Variants in TSEN15 observed in about 807,000 individuals in gnomAD.
The protein encoded by TSEN15 is tRNA-splicing endonuclease subunit Sen15.
A neutral mutation model predicts 20.5 loss-of-function variants in TSEN15; 10 were observed. That is an observed-to-expected ratio of 0.49 (90% CI 0.30 to 0.83). The LOEUF is 0.83. TSEN15 is among the 40% of genes least tolerant of loss of function. The probability of loss-of-function intolerance (pLI) is 0.06; values close to 1 mark genes in which losing one functional copy is unlikely to be tolerated. For missense variants in TSEN15, 180 were observed against 218.6 expected, an observed-to-expected ratio of 0.82 and a Z score of 1.11; for synonymous variants, 72 against 80.1, an observed-to-expected ratio of 0.90 and a Z score of 0.54.
chr1:184,074,425 C>T (rs1271011194), downstream of TSEN15, among the ~76,000 whole-genome samples: 1 of 152,120 alleles, frequency 6.6e-6, no homozygotes, highest in Non-Finnish European at 1.5e-5. Context: ...TCAGCTTTTT[C>T]ACCCACATGG....
chr1:184,087,993 G>C (rs1440216936), intron 3 of TSEN15, among the ~76,000 whole-genome samples: 2 of 152,138 alleles, frequency 1.3e-5, no homozygotes, highest in African/African-American at 4.8e-5. Flanking sequence ...AGCTCCTGGT[G>C]GAACCACCAC....
intron 3 of TSEN15, among the ~76,000 whole-genome samples, chr1:184,058,660 A>G (rs1444604885): frequency 6.6e-6 from 1 of 152,094 alleles, no homozygotes; most frequent in African/African-American, 2.4e-5. Context: ...AGAGAAGAAA[A>G]TGATTGATGT....
chr1:184,071,419 TTA>T lies in TSEN15; in HGVS notation c.354-736_354-735del, dbSNP rs902030710. ...TCCTCTTAACTTTATAAAAAGAAAA[TTA>T]TTTAAAGTAATAATTACAACACTAT... On this transcript the variant is annotated intron_variant, in intron 3 of 4. Transcript: ENST00000645668. Among the ~76,000 whole-genome samples the T allele has an allele frequency of 8.8e-4, 134 of 152,030 alleles. 1 individual carries two copies. The highest frequency in any genetic ancestry group is 3.0e-3 in the African/African-American group (123 of 41,550).
At chr1:184,061,853 A>G (rs1039699202) in intron 3 of TSEN15, among the ~76,000 whole-genome samples, 1 of 152,174 alleles carries the variant, frequency 6.6e-6, no homozygotes, top group Non-Finnish European at 1.5e-5. Flanking sequence ...GAGTGTCGAC[A>G]GATTCCATTA....
intron 3 of TSEN15, among the ~76,000 whole-genome samples, chr1:184,080,139 A>G (rs1337277479): frequency 1.3e-5 from 2 of 152,174 alleles, no homozygotes; most frequent in East Asian, 1.9e-4. Flanking sequence ...AAAGGAGAAA[A>G]TCTAGGTACA....
chr1:184,083,398 CT>C (rs1407052085), intron 3 of TSEN15, among the ~76,000 whole-genome samples: 2 of 152,336 alleles, frequency 1.3e-5, no homozygotes, highest in Admixed American at 6.5e-5. Context: ...CAAAATATAT[CT>C]GCCTGATAAG....
chr1:184,056,691 A>G (rs1435930373), intron 3 of TSEN15, among the ~76,000 whole-genome samples: 1 of 152,076 alleles, frequency 6.6e-6, no homozygotes, highest in East Asian at 1.9e-4. Flanking sequence ...TAGGGATACC[A>G]TTGTCATGTG....
intron 3 of TSEN15, among the ~76,000 whole-genome samples, chr1:184,067,144 GT>G (rs1244051257): frequency 6.6e-6 from 1 of 151,982 alleles, no homozygotes; most frequent in Non-Finnish European, 1.5e-5. Flanking sequence ...TAATCTCTTA[GT>G]TTTTATTCTT....
intron 3 of TSEN15, among the ~76,000 whole-genome samples, chr1:184,089,165 T>C (rs1260753304): frequency 6.6e-6 from 1 of 152,232 alleles, no homozygotes; most frequent in Non-Finnish European, 1.5e-5. Context: ...ATTTAAACAC[T>C]GCAGATTAAA....
chr1:184,066,781 T>A (rs1222855095), intron 3 of TSEN15, among the ~76,000 whole-genome samples: 1 of 152,182 alleles, frequency 6.6e-6, no homozygotes, highest in Non-Finnish European at 1.5e-5. Context: ...ATTCTGACTC[T>A]TTTGCCTTTC....
chr1:184,080,006 TTATGATAAATAG>T (rs1230082205), intron 3 of TSEN15, among the ~76,000 whole-genome samples: 1 of 152,178 alleles, frequency 6.6e-6, no homozygotes, highest in Non-Finnish European at 1.5e-5. Flanking sequence ...GTTTAACAAC[TTATGATAAATAG>T]TTTTCAAACG....
intron 3 of TSEN15, among the ~76,000 whole-genome samples, chr1:184,066,486 C>T (rs1340683172): frequency 6.6e-5 from 10 of 151,672 alleles, no homozygotes; most frequent in Non-Finnish European, 1.2e-4. Flanking sequence ...CACTGCAACC[C>T]GGTCCGCCTC....
intron 3 of TSEN15, among the ~76,000 whole-genome samples, chr1:184,066,703 G>C (rs763370878): frequency 3.3e-5 from 5 of 152,132 alleles, no homozygotes; most frequent in African/African-American, 7.2e-5. Flanking sequence ...ACTGTGCCCG[G>C]CTTGTAATAG....
chr1:184,068,454 A>G (rs1168396645), intron 3 of TSEN15, among the ~76,000 whole-genome samples: 2 of 152,168 alleles, frequency 1.3e-5, no homozygotes, highest in African/African-American at 4.8e-5. Flanking sequence ...TCTGCTAGAA[A>G]TCTGCTGCTG....
chr1:184,084,139 G>A (rs1466989623), intron 3 of TSEN15, among the ~76,000 whole-genome samples: 1 of 152,088 alleles, frequency 6.6e-6, no homozygotes, highest in Non-Finnish European at 1.5e-5. Context: ...TTCCAGGGTT[G>A]TGTTTTCCTC....
At chr1:184,064,546 A>AAAAC (rs375194362) in intron 3 of TSEN15, among the ~76,000 whole-genome samples, 12 of 152,210 alleles carry the variant, frequency 7.9e-5, no homozygotes, top group African/African-American at 2.4e-4. Flanking sequence ...AAAATATGAA[A>AAAAC]AAACAAACAA....
chr1:184,079,269 G>T (rs981099275), intron 3 of TSEN15, among the ~76,000 whole-genome samples: 2 of 152,176 alleles, frequency 1.3e-5, no homozygotes, highest in African/African-American at 4.8e-5. Flanking sequence ...CAAAATCAGA[G>T]ATTGGCCTTT....
At chr1:184,055,671 AAG>A (rs776780433) in intron 3 of TSEN15, among the ~76,000 whole-genome samples, 1 of 152,168 alleles carries the variant, frequency 6.6e-6, no homozygotes, top group African/African-American at 2.4e-5. Flanking sequence ...AGCTTTAAAA[AAG>A]AGACTTTTTT....
chr1:184,083,275 A>G (rs1651202662), intron 3 of TSEN15, among the ~76,000 whole-genome samples: 1 of 152,172 alleles, frequency 6.6e-6, no homozygotes, highest in African/African-American at 2.4e-5. Context: ...AGGCTGTGAG[A>G]CAAATCACCA....
Sources: allele counts gnomAD v4.1 joint callset (sites outside exome capture counted in the v4.1 genomes callset), GRCh38; gene constraint gnomAD v4.1.1; transcripts MANE v1.5; gene names NCBI Gene and HGNC (gene_info 2026-07-23, HGNC 2026-07-21).